The following KCNK13 variants were observed in gnomAD, a reference collection of about 807,000 sequenced individuals.
The protein encoded by KCNK13 is potassium two pore domain channel subfamily K member 13, also known as potassium channel subfamily K member 13.
Under a neutral mutation model 23.4 loss-of-function variants are expected in KCNK13, and 12 were observed. That is an observed-to-expected ratio of 0.51 (90% CI 0.33 to 0.83). KCNK13 has a LOEUF of 0.83. Ranked by LOEUF, KCNK13 falls within the 40% of genes least tolerant of loss-of-function variation. The pLI, the probability that KCNK13 is intolerant of heterozygous loss-of-function variation, is 0.02. For missense variants in KCNK13, 463 were observed against 556.3 expected, an observed-to-expected ratio of 0.83 and a Z score of 1.69; for synonymous variants, 231 against 229.5, an observed-to-expected ratio of 1.01 and a Z score of -0.06.
chr14:90,073,325 C>T (rs954280057), intron 1 of KCNK13, among the ~76,000 whole-genome samples: 8 of 152,116 alleles, frequency 5.3e-5, no homozygotes, highest in Non-Finnish European at 1.0e-4. Flanking sequence ...CAAACAGAGA[C>T]TTCTGCCTCC....
At chr14:90,091,838 A>C (rs1889348605) in intron 1 of KCNK13, among the ~76,000 whole-genome samples, 1 of 152,066 alleles carries the variant, frequency 6.6e-6, no homozygotes, top group African/African-American at 2.4e-5. Flanking sequence ...TAGCTATGTT[A>C]AGAATTGCAT....
intron 1 of KCNK13, among the ~76,000 whole-genome samples, chr14:90,169,953 A>C (rs1341600336): frequency 6.6e-6 from 1 of 152,204 alleles, no homozygotes; most frequent in African/African-American, 2.4e-5. Flanking sequence ...GCTGCTTCCC[A>C]AATTGGGCTA....
chr14:90,130,416 T>C (rs1596790957), intron 1 of KCNK13, among the ~76,000 whole-genome samples: 1 of 151,088 alleles, frequency 6.6e-6, no homozygotes, highest in Non-Finnish European at 1.5e-5. Flanking sequence ...GCCAGGCTGG[T>C]CTTGAACTCC....
intron 1 of KCNK13, among the ~76,000 whole-genome samples, chr14:90,126,655 T>C (rs1243376822): frequency 1.3e-5 from 2 of 152,146 alleles, no homozygotes; most frequent in African/African-American, 4.8e-5. Flanking sequence ...GCGATTCTCC[T>C]GCCTCAGCCT....
chr14:90,147,520 G>T (rs2140431491), intron 1 of KCNK13, among the ~76,000 whole-genome samples: 1 of 151,930 alleles, frequency 6.6e-6, no homozygotes. Flanking sequence ...TTTAATTATG[G>T]CAGACATCTT....
intron 1 of KCNK13, among the ~76,000 whole-genome samples, chr14:90,172,524 CTGATACAG>C (rs1231419375): frequency 6.6e-6 from 1 of 152,092 alleles, no homozygotes; most frequent in Non-Finnish European, 1.5e-5. Context: ...AATTTGAATC[CTGATACAG>C]TGTTAACATG....
Position 90,124,174 on chromosome 14 carries a change from G to A in KCNK13, c.335-59937G>A, listed in dbSNP as rs143053536. 6.2e-4 allele frequency among the ~76,000 whole-genome samples: 94 copies of A among 152,300 alleles called. 1 individual carries two copies. The highest frequency in any genetic ancestry group is 2.0e-3 in the African/African-American group (84 of 41,568). ...TATCAGCACCGCAGCAGAACTGTGC[G>A]TCTCCGGTTAATGTGCACTCAGCTC... On this transcript the variant is annotated intron_variant, in intron 1 of 1. Transcript: ENST00000282146.
intron 1 of KCNK13, among the ~76,000 whole-genome samples, chr14:90,075,385 T>G (rs1253119880): frequency 6.6e-6 from 1 of 152,210 alleles, no homozygotes; most frequent in Admixed American, 6.5e-5. Context: ...TGGAAATGCT[T>G]CTTTAAATGA....
chr14:90,117,528 T>C (rs534828969), intron 1 of KCNK13, among the ~76,000 whole-genome samples: 1 of 152,104 alleles, frequency 6.6e-6, no homozygotes, highest in South Asian at 2.1e-4. Flanking sequence ...AGGTGGAGGC[T>C]GCAGTGAACC....
At chr14:90,176,117 C>G (rs1162621468) in intron 1 of KCNK13, among the ~76,000 whole-genome samples, 1 of 152,116 alleles carries the variant, frequency 6.6e-6, no homozygotes, top group Non-Finnish European at 1.5e-5. Context: ...AGGATGGGAG[C>G]AATTTGTTTG....
intron 1 of KCNK13, among the ~76,000 whole-genome samples, chr14:90,096,981 C>T (rs1297677557): frequency 1.3e-5 from 2 of 152,156 alleles, no homozygotes; most frequent in African/African-American, 4.8e-5. Context: ...CCCTTGTCCA[C>T]TGAGGTGCAT....
chr14:90,126,746 T>G (rs1248321228), intron 1 of KCNK13, among the ~76,000 whole-genome samples: 1 of 152,040 alleles, frequency 6.6e-6, no homozygotes, highest in Admixed American at 6.6e-5. Flanking sequence ...GTTTCGCCAT[T>G]TTACCAGGCT....
At chr14:90,139,994 G>A (rs77601679) in intron 1 of KCNK13, among the ~76,000 whole-genome samples, 2,809 of 152,166 alleles carry the variant, frequency 0.018, 37 homozygotes, top group Middle Eastern at 0.027. Context: ...TGCTAGGAAC[G>A]TGCACAGTGG....
At chr14:90,093,235 G>A (rs1468685961) in intron 1 of KCNK13, among the ~76,000 whole-genome samples, 2 of 152,162 alleles carry the variant, frequency 1.3e-5, no homozygotes, top group African/African-American at 2.4e-5. Flanking sequence ...CAGGGACCAC[G>A]CTTCTTCTAG....
chr14:90,131,135 T>TA (rs1889865611), intron 1 of KCNK13, among the ~76,000 whole-genome samples: 1 of 152,164 alleles, frequency 6.6e-6, no homozygotes, highest in Non-Finnish European at 1.5e-5. Context: ...ATGTCTCCTC[T>TA]TTTTCCATTC....
intron 1 of KCNK13, among the ~76,000 whole-genome samples, chr14:90,103,129 C>A (rs1226648806): frequency 6.6e-6 from 1 of 152,182 alleles, no homozygotes; most frequent in Non-Finnish European, 1.5e-5. Flanking sequence ...TTTAAGGCTG[C>A]ATAATATTCC....
intron 1 of KCNK13, among the ~76,000 whole-genome samples, chr14:90,172,291 C>T (rs936921992): frequency 7.0e-6 from 1 of 143,182 alleles, no homozygotes; most frequent in Non-Finnish European, 1.5e-5. Flanking sequence ...CACTCTATCC[C>T]GGGTGATGGA....
chr14:90,142,313 C>CTTTTTTTTTTTT (rs59863610), intron 1 of KCNK13, among the ~76,000 whole-genome samples: 1 of 85,252 alleles, frequency 1.2e-5, no homozygotes, highest in African/African-American at 5.1e-5. Context: ...CTGTCCAATT[C>CTTTTTTTTTTTT]TTTTTTTTTT....
Position 90,062,052 on chromosome 14 carries a change from C to G in KCNK13, c.-154C>G, listed in dbSNP as rs1888946686. On this transcript the variant is annotated 5_prime_UTR_variant, in exon 1 of 2. Coordinates refer to ENST00000282146, the MANE Select transcript of KCNK13 (RefSeq NM_022054.4). The surrounding 1 kb of genome is among the most constrained non-coding windows in gnomAD (Gnocchi z 4.5). ...CGAGGCGGCGGCCGGGGGAGCCTCG[C>G]GGCCTGCGGGAGAGCCCGGCGGTCA... The G allele has an allele frequency of 4.5e-6, 2 of 444,992 alleles. No individual in the cohort carries two copies. The highest frequency in any genetic ancestry group is 7.4e-5 in the East Asian group (2 of 27,010). The allele number at this position is 444,992 out of a possible 1,614,324, so 27.6% of individuals were successfully genotyped here.
Sources: allele counts gnomAD v4.1 joint callset (sites outside exome capture counted in the v4.1 genomes callset), GRCh38; gene constraint gnomAD v4.1.1; non-coding constraint Gnocchi (gnomAD v3.1); transcripts MANE v1.5; gene names NCBI Gene and HGNC (gene_info 2026-07-23, HGNC 2026-07-21).